TTYH3: variants seen among roughly 807,000 people sequenced by gnomAD.
The protein encoded by TTYH3 is tweety family member 3.
Under a neutral mutation model 68.2 loss-of-function variants are expected in TTYH3, and 23 were observed. That is an observed-to-expected ratio of 0.34 (90% CI 0.24 to 0.48). TTYH3 has a LOEUF of 0.48. TTYH3 is among the 20% of genes least tolerant of loss of function. The pLI, the probability that TTYH3 is intolerant of heterozygous loss-of-function variation, is 0.99. For synonymous variants in TTYH3, 360 were observed against 332.8 expected (o/e 1.08, Z -0.89); for missense variants, 768 against 727.7 (o/e 1.06, Z -0.64).
chr7:2,647,412 G>A lies in TTYH3; in HGVS notation c.406-6G>A. On this transcript the variant is annotated splice_region_variant and splice_polypyrimidine_tract_variant and intron_variant, in intron 3 of 13. Transcript: ENST00000258796. ...TCCCAGCCTCACGCCCGCGGGTCCG[G>A]CGCAGGTGTGGGACACGGCGGTGGG... 6.7e-7 allele frequency: 1 copy of A among 1,493,640 alleles called. No homozygotes were observed. Among genetic ancestry groups the A allele is most frequent in the Non-Finnish European group, 8.9e-7 (1 of 1,125,856 alleles). The allele number at this position is 1,493,640 out of a possible 1,614,324, so 92.5% of individuals were successfully genotyped here.
intron 1 of TTYH3, among the ~76,000 whole-genome samples, chr7:2,635,287 C>A (rs1409837608): frequency 1.3e-5 from 2 of 152,196 alleles, no homozygotes; most frequent in Non-Finnish European, 2.9e-5. Context: ...GGCAGCAGAG[C>A]CTTCTCTTCA....
intron 1 of TTYH3, 33 bp from the exon 2 acceptor site, chr7:2,646,819 CA>C (rs1785997289): frequency 6.3e-7 from 1 of 1,575,062 alleles, no homozygotes; most frequent in African/African-American, 1.3e-5. Flanking sequence ...GCTGGGGGTC[CA>C]CCCCTCCAGC....
intron 1 of TTYH3, among the ~76,000 whole-genome samples, chr7:2,638,760 C>T (rs977306123): frequency 1.3e-5 from 2 of 152,284 alleles, no homozygotes; most frequent in African/African-American, 2.4e-5. Context: ...GAGCCTGGGC[C>T]GAGTGTGCTA....
chr7:2,647,385 G>T, intron 3 of TTYH3, 33 bp from the exon 4 acceptor site: 2 of 1,461,780 alleles, frequency 1.4e-6, no homozygotes, highest in East Asian at 2.5e-5. Flanking sequence ...AGGCGGGCGC[G>T]CTCCCAGCCT....
At chr7:2,635,088 G>T (rs117870833) in intron 1 of TTYH3, among the ~76,000 whole-genome samples, 1 of 152,172 alleles carries the variant, frequency 6.6e-6, no homozygotes, top group African/African-American at 2.4e-5. Flanking sequence ...CTGAGTGAAT[G>T]GGGGGCTGTT....
At chr7:2,638,114 C>T (rs974297971) in intron 1 of TTYH3, among the ~76,000 whole-genome samples, 3 of 152,142 alleles carry the variant, frequency 2.0e-5, no homozygotes, top group African/African-American at 7.2e-5. Context: ...TGGGGTTCGG[C>T]CGTGCCCTCT....
In TTYH3 at chr7:2,663,347, G is replaced by A. The variant is rs2115003381; in HGVS notation, c.*1608G>A. ...GGAAATGTCCTCATCCCCTCCCTGGGGCCAGGCTCTGCCCTGGCCTTCCTC... is the reference window on the plus strand; with the variant it reads ...GGAAATGTCCTCATCCCCTCCCTGGAGCCAGGCTCTGCCCTGGCCTTCCTC... On this transcript the variant is annotated 3_prime_UTR_variant, in exon 14 of 14. Transcript: ENST00000258796. The A allele has an allele frequency of 1.3e-5, 2 of 152,932 alleles. No homozygotes were observed. Among genetic ancestry groups the A allele is most frequent in the Non-Finnish European group, 2.9e-5 (2 of 68,098 alleles). 9.5% of individuals were successfully genotyped at this position (152,932 alleles called of 1,614,324 possible).
intron 1 of TTYH3, among the ~76,000 whole-genome samples, chr7:2,640,728 G>A (rs929460335): frequency 3.9e-5 from 6 of 152,246 alleles, no homozygotes; most frequent in Non-Finnish European, 7.3e-5. Context: ...ATGGCCAGGA[G>A]GCCGCGGCAG....
chr7:2,654,390 G>C (rs1489757274), intron 9 of TTYH3, among the ~76,000 whole-genome samples: 1 of 151,740 alleles, frequency 6.6e-6, no homozygotes, highest in Admixed American at 6.6e-5. Flanking sequence ...GCAAGACCCT[G>C]TCTCTCTCTC....
Position 2,664,523 on chromosome 7 carries a change from C to G in TTYH3, c.*2784C>G, listed in dbSNP as rs953126056. ...AAGACTCAGCCTCCTGGTTTACCCC[C>G]CCGGCCTGGGCATCTGACCTCCCCC... On this transcript the variant is annotated 3_prime_UTR_variant, in exon 14 of 14. Coordinates refer to ENST00000258796, the MANE Select transcript of TTYH3 (RefSeq NM_025250.3). The G allele has an allele frequency of 4.0e-5, 6 of 151,752 alleles. No individual in the cohort carries two copies. Among genetic ancestry groups the G allele is most frequent in the South Asian group, 2.1e-4 (1 of 4,794 alleles). 9.4% of individuals were successfully genotyped at this position (151,752 alleles called of 1,614,324 possible).
chr7:2,660,692 G>A (rs1027722691), intron 13 of TTYH3: 5 of 435,546 alleles, frequency 1.1e-5, no homozygotes, highest in Non-Finnish European at 1.5e-5. Context: ...GGTGTCCCAG[G>A]AGGGCCCTCG....
chr7:2,641,389 G>C (rs900760636), intron 1 of TTYH3, among the ~76,000 whole-genome samples: 54 of 151,860 alleles, frequency 3.6e-4, no homozygotes, highest in African/African-American at 1.2e-3. Context: ...GGCTGCAGGG[G>C]CTTGGAGAAG....
chr7:2,644,636 C>G (rs910683489), intron 1 of TTYH3, among the ~76,000 whole-genome samples: 4 of 152,180 alleles, frequency 2.6e-5, no homozygotes, highest in African/African-American at 9.7e-5. Context: ...GCGGTAGGCA[C>G]TTGTGCATGG....
At chr7:2,635,836 G>C (rs1238926543) in intron 1 of TTYH3, among the ~76,000 whole-genome samples, 2 of 152,206 alleles carry the variant, frequency 1.3e-5, no homozygotes, top group Non-Finnish European at 2.9e-5. Flanking sequence ...AGACCTTAAT[G>C]ATAAGACTGA....
chr7:2,661,894 C>CGGGG lies in TTYH3; in HGVS notation c.*155_*156insGGGG. 1 of 788,254 alleles carries CGGGG rather than the reference C, an allele frequency of 1.3e-6. No homozygotes were observed. Among genetic ancestry groups the CGGGG allele is most frequent in the Non-Finnish European group, 2.1e-6 (1 of 485,790 alleles). The allele number at this position is 788,254 out of a possible 1,614,324, so 48.8% of individuals were successfully genotyped here. A position where few individuals can be genotyped will look rare whatever the true frequency, so the allele number is the denominator to read the frequency against. ...CGCTTGCCCTCCTGTCCCCTCCCCG[C>CGGGG]AGGGGCACAGTGGAGACGCAGGGGC... On this transcript the variant is annotated 3_prime_UTR_variant, in exon 14 of 14. Coordinates refer to ENST00000258796, the MANE Select transcript of TTYH3 (RefSeq NM_025250.3).
chr7:2,651,929 CAG>C (rs1786189976), intron 7 of TTYH3, among the ~76,000 whole-genome samples: 1 of 152,156 alleles, frequency 6.6e-6, no homozygotes, highest in South Asian at 2.1e-4. Context: ...CATGTACACA[CAG>C]ACATGCACAC....
intron 5 of TTYH3, 172 bp downstream of exon 5, chr7:2,648,226 T>A (rs532519757): frequency 3.4e-5 from 21 of 624,746 alleles, no homozygotes; most frequent in Admixed American, 2.4e-4. Flanking sequence ...TCTGTGCCTG[T>A]GGCCTGTGCC....
chr7:2,637,209 C>T (rs1010978650), intron 1 of TTYH3, among the ~76,000 whole-genome samples: 112 of 152,216 alleles, frequency 7.4e-4, no homozygotes, highest in African/African-American at 2.2e-3. Flanking sequence ...CTGGGCAGGC[C>T]CTGCCAGCCA....
chr7:2,659,219 G>A (rs564829633), intron 13 of TTYH3, among the ~76,000 whole-genome samples: 1 of 152,316 alleles, frequency 6.6e-6, no homozygotes, highest in South Asian at 2.1e-4. Context: ...GGGGCTGGGT[G>A]GGACTGCCAG....
Sources: gnomAD v4.1 joint callset for allele counts (sites outside exome capture counted in the v4.1 genomes callset) on GRCh38, gnomAD v4.1.1 for gene constraint, MANE v1.5 for transcripts, NCBI Gene and HGNC (gene_info 2026-07-23, HGNC 2026-07-21) for gene names.